ASCC1: variants seen among roughly 807,000 people sequenced by gnomAD.
ASCC1 encodes the protein activating signal cointegrator 1 complex subunit 1, also known as ASC-1 complex subunit P50.
A neutral mutation model predicts 46.6 loss-of-function variants in ASCC1; 35 were observed. The observed-to-expected ratio is 0.75, with a 90% CI of 0.57 to 0.99. The LOEUF (loss-of-function observed/expected upper bound fraction) is 0.99. Ranked by LOEUF, ASCC1 falls within the 50% of genes least tolerant of loss-of-function variation. The pLI, the probability that ASCC1 is intolerant of heterozygous loss-of-function variation, is 0.00. For synonymous variants in ASCC1, 143 were observed against 146.6 expected, an observed-to-expected ratio of 0.98 and a Z score of 0.18; for missense variants, 376 against 428.7, an observed-to-expected ratio of 0.88 and a Z score of 1.09.
chr10:72,206,047 T>C (rs1381209708), intron 3 of ASCC1, among the ~76,000 whole-genome samples: 2 of 148,948 alleles, frequency 1.3e-5, no homozygotes, highest in Admixed American at 6.7e-5. Context: ...GAGGTTGCAG[T>C]GAGCTGAGAT....
chr10:72,135,565 T>C, intron 7 of ASCC1, among the ~76,000 whole-genome samples: 1 of 151,890 alleles, frequency 6.6e-6, no homozygotes, highest in East Asian at 1.9e-4. Flanking sequence ...GTCGGAGAGG[T>C]GTGACCAGGT....
chr10:72,189,429 A>T (rs889616022), intron 5 of ASCC1, among the ~76,000 whole-genome samples: 35 of 151,956 alleles, frequency 2.3e-4, no homozygotes, highest in Non-Finnish European at 1.0e-4. Context: ...AAAATAAAAA[A>T]ATATTTGGAG....
chr10:72,190,446 G>A (rs1328779641), intron 5 of ASCC1: 42 of 1,598,100 alleles, frequency 2.6e-5, no homozygotes, highest in East Asian at 4.5e-5. Flanking sequence ...AGGGAGATGC[G>A]TGGGCTGACA....
Position 72,125,586 on chromosome 10 carries a change from C to T in ASCC1, c.957+2496G>A, listed in dbSNP as rs577010905. The stretch of plus-strand genomic sequence containing the variant: ...CCAAAAGGTGGGTGGACTATGGCTA[C>T]TTCACAAGCATATTTAACTGCCTCT... On this transcript the variant is annotated intron_variant, in intron 9 of 9. Transcript: ENST00000672957. Among the ~76,000 whole-genome samples, 905 of 152,284 alleles carry T rather than the reference C, an allele frequency of 5.9e-3. 7 individuals carry two copies. The highest frequency in any genetic ancestry group is 9.7e-3 in the Non-Finnish European group (660 of 68,022).
chr10:72,199,623 A>G (rs1285962804), intron 4 of ASCC1, among the ~76,000 whole-genome samples: 1 of 151,920 alleles, frequency 6.6e-6, no homozygotes, highest in African/African-American at 2.4e-5. Context: ...TTTAGCAGAG[A>G]CGGGATTTCA....
chr10:72,177,224 A>G (rs908493268), intron 5 of ASCC1, among the ~76,000 whole-genome samples: 1 of 152,178 alleles, frequency 6.6e-6, no homozygotes, highest in Non-Finnish European at 1.5e-5. Context: ...TCCTTTTCTT[A>G]CTTTCCTACC....
chr10:72,145,019 T>A (rs1847467785), intron 7 of ASCC1, among the ~76,000 whole-genome samples: 1 of 152,214 alleles, frequency 6.6e-6, no homozygotes, highest in African/African-American at 2.4e-5. Context: ...AAAGTTTTTA[T>A]TTCATACCTT....
intron 8 of ASCC1, 49 bp from the exon 9 acceptor site, chr10:72,128,216 T>C: frequency 6.5e-7 from 1 of 1,537,774 alleles, no homozygotes; most frequent in African/African-American, 1.4e-5. Flanking sequence ...GATTGGTTGT[T>C]TTCTCTTGGA....
Position 72,210,845 on chromosome 10 carries a change from A to G in ASCC1, c.113-14T>C. The G allele has an allele frequency of 6.2e-7, 1 of 1,611,954 alleles. No individual in the cohort carries two copies. Among genetic ancestry groups the G allele is most frequent in the East Asian group, 2.2e-5 (1 of 44,870 alleles). On this transcript the variant is annotated splice_polypyrimidine_tract_variant and intron_variant, in intron 2 of 9. Transcript: ENST00000672957. ...ACTCCATGGAGCCTGCACAGAAACCATCACATCTCACTCAGAAACAATGTT... is the reference window on the plus strand; with the variant it reads ...ACTCCATGGAGCCTGCACAGAAACCGTCACATCTCACTCAGAAACAATGTT...
chr10:72,097,546 A>C, intron 9 of ASCC1, 96 bp from the exon 10 acceptor site: 6 of 715,018 alleles, frequency 8.4e-6, no homozygotes, highest in Middle Eastern at 3.0e-4. Context: ...AACCACAACA[A>C]TCCCAACAAA....
At chr10:72,204,440 A>G in intron 3 of ASCC1, 3 of 1,550,396 alleles carry the variant, frequency 1.9e-6, no homozygotes, top group Non-Finnish European at 2.6e-6. Context: ...CCAAGTATAA[A>G]TATTCTGACA....
Position 72,096,677 on chromosome 10 carries a change from G to A in ASCC1, c.*657C>T. The A allele has an allele frequency of 2.2e-6, 1 of 454,134 alleles. No individual in the cohort carries two copies. The highest frequency in any genetic ancestry group is 4.4e-6 in the Non-Finnish European group (1 of 226,792). 28.1% of individuals were successfully genotyped at this position (454,134 alleles called of 1,614,324 possible). On this transcript the variant is annotated 3_prime_UTR_variant, in exon 10 of 10. Coordinates refer to ENST00000672957, the MANE Select transcript of ASCC1 (RefSeq NM_001198800.3). ...GGAAGCAAGCCAAGTGTTCACTGAT[G>A]GAGGAACAGAGTGTGGTACGCACAT...
intron 5 of ASCC1, among the ~76,000 whole-genome samples, chr10:72,186,865 A>AATTCCAGT (rs1853527104): frequency 1.3e-5 from 2 of 151,850 alleles, no homozygotes; most frequent in South Asian, 4.2e-4. Flanking sequence ...TCAAAGCAGT[A>AATTCCAGT]ATTCCAGTGT....
chr10:72,149,437 CAAAAAAAAAAAA>C (rs11297879), intron 7 of ASCC1, among the ~76,000 whole-genome samples: 32 of 52,694 alleles, frequency 6.1e-4, no homozygotes, highest in South Asian at 2.5e-3. Context: ...GACTCCGTCA[CAAAAAAAAAAAA>C]AAAAAAAAAA....
At chr10:72,128,641 C>G (rs1471008112) in intron 8 of ASCC1, among the ~76,000 whole-genome samples, 2 of 152,106 alleles carry the variant, frequency 1.3e-5, no homozygotes, top group Non-Finnish European at 2.9e-5. Context: ...TAAGGGCTTC[C>G]CCCAGAGGAA....
rs34189600 is a variant in ASCC1, at chr10:72,107,312, CA to C, written c.958-9863del. ...GTTCACAAATAAGTTACCCCCCCCC[CA>C]AAAAAATAAATTTTGTTTCAAAGTT... On this transcript the variant is annotated intron_variant, in intron 9 of 9. Coordinates refer to ENST00000672957, the MANE Select transcript of ASCC1 (RefSeq NM_001198800.3). 2.0e-5 allele frequency among the ~76,000 whole-genome samples: 3 copies of C among 146,616 alleles called. No individual in the cohort carries two copies. The East Asian group carries it at 6.1e-4, about 30-fold the overall frequency.
At chr10:72,103,334 G>A (rs775860295) in intron 9 of ASCC1, among the ~76,000 whole-genome samples, 4 of 151,486 alleles carry the variant, frequency 2.6e-5, no homozygotes, top group Non-Finnish European at 4.4e-5. Flanking sequence ...GGGTTTCACC[G>A]TGTTAGCCAA....
chr10:72,116,471 T>C (rs1843505340), intron 9 of ASCC1, among the ~76,000 whole-genome samples: 1 of 152,186 alleles, frequency 6.6e-6, no homozygotes, highest in Admixed American at 6.5e-5. Flanking sequence ...AATCTTCAGA[T>C]TGATGTTTTT....
At chr10:72,188,069 T>C in intron 5 of ASCC1, among the ~76,000 whole-genome samples, 1 of 142,244 alleles carries the variant, frequency 7.0e-6, no homozygotes, top group Admixed American at 6.6e-5. Context: ...TAAGCAATTT[T>C]ACTAATTCTC....
Sources: gnomAD v4.1 joint callset for allele counts (sites outside exome capture counted in the v4.1 genomes callset) on GRCh38, gnomAD v4.1.1 for gene constraint, MANE v1.5 for transcripts, NCBI Gene and HGNC (gene_info 2026-07-23, HGNC 2026-07-21) for gene names.